PDZD8: variants seen among roughly 807,000 people sequenced by gnomAD.
PDZD8 encodes PDZ domain containing 8, also known as PDZ domain-containing protein 8.
PDZD8 carries 14 observed loss-of-function variants against 85.8 expected under a neutral mutation model. The ratio of observed to expected loss-of-function variants is 0.16; its 90% CI spans 0.11 to 0.26. PDZD8 has a LOEUF of 0.26. Among genes scored for constraint, PDZD8 ranks in the 10% least tolerant of loss-of-function variants. The pLI is 1.00. For missense variants in PDZD8, 1,197 were observed against 1,424.3 expected, an observed-to-expected ratio of 0.84 and a Z score of 2.57; for synonymous variants, 592 against 568.6, an observed-to-expected ratio of 1.04 and a Z score of -0.59.
chr10:117,369,944 C>T (rs887341), intron 1 of PDZD8, among the ~76,000 whole-genome samples: 22,567 of 151,942 alleles, frequency 0.15, 1,961 homozygotes, highest in East Asian at 0.41. Context: ...CACAAGCATC[C>T]GTAAGAATCT....
chr10:117,289,618 TGTAA>T (rs1446236464), intron 4 of PDZD8, among the ~76,000 whole-genome samples: 1 of 152,198 alleles, frequency 6.6e-6, no homozygotes, highest in East Asian at 1.9e-4. Context: ...TAGGAAGGCA[TGTAA>T]GTGACACATT....
At chr10:117,340,946 C>T in intron 2 of PDZD8, 34 bp downstream of exon 2, 1 of 1,611,312 alleles carries the variant, frequency 6.2e-7, no homozygotes, top group Non-Finnish European at 8.5e-7. Context: ...ACTGTTCTTC[C>T]CGTAACTTAG....
Position 117,358,437 on chromosome 10 carries a change from T to C in PDZD8, c.872+15919A>G, listed in dbSNP as rs572952944. Among the ~76,000 whole-genome samples the C allele has an allele frequency of 3.3e-5, 5 of 152,136 alleles. No individual in the cohort carries two copies. The South Asian group carries it at 1.0e-3, about 32-fold the overall frequency. On this transcript the variant is annotated intron_variant, in intron 1 of 4. Coordinates refer to ENST00000334464, the MANE Select transcript of PDZD8 (RefSeq NM_173791.5). ...CCACAATTACTTTTGCACCAACCTA[T>C]AGTCATCTTTCTTTCCCCCTCATCT...
chr10:117,346,039 G>A (rs936810115), intron 1 of PDZD8, among the ~76,000 whole-genome samples: 1 of 151,948 alleles, frequency 6.6e-6, no homozygotes, highest in Admixed American at 6.6e-5. Context: ...TCAGGAGTTC[G>A]AGACCAGCCT....
intron 1 of PDZD8, among the ~76,000 whole-genome samples, chr10:117,371,411 C>T (rs563771965): frequency 9.2e-5 from 14 of 152,286 alleles, no homozygotes; most frequent in Non-Finnish European, 1.5e-4. Context: ...TCTCACACTC[C>T]TGACCTTAAG....
intron 3 of PDZD8, among the ~76,000 whole-genome samples, chr10:117,308,999 T>C (rs543851713): frequency 1.3e-5 from 2 of 152,250 alleles, no homozygotes; most frequent in African/African-American, 2.4e-5. Context: ...AATACTTTCC[T>C]AAAGTGTGTG....
At chr10:117,287,768 G>A (rs1368592650) in intron 4 of PDZD8, among the ~76,000 whole-genome samples, 3 of 152,080 alleles carry the variant, frequency 2.0e-5, no homozygotes, top group East Asian at 3.8e-4. Flanking sequence ...ATATTGCTAC[G>A]AAATTTTCCT....
At chr10:117,336,634 TA>T (rs555617283) in intron 2 of PDZD8, among the ~76,000 whole-genome samples, 67 of 140,730 alleles carry the variant, frequency 4.8e-4, no homozygotes, top group African/African-American at 1.2e-3. Flanking sequence ...TAATGAAGTC[TA>T]AAAAAAAAAG....
intron 1 of PDZD8, among the ~76,000 whole-genome samples, chr10:117,353,707 A>G (rs1844845493): frequency 7.2e-6 from 1 of 138,658 alleles, no homozygotes; most frequent in African/African-American, 2.7e-5. Flanking sequence ...AAGATGAACA[A>G]GAGTGGCCCT....
intron 3 of PDZD8, among the ~76,000 whole-genome samples, chr10:117,307,098 C>G (rs977275433): frequency 2.0e-5 from 3 of 152,040 alleles, no homozygotes; most frequent in Non-Finnish European, 4.4e-5. Flanking sequence ...CTGTTGGCTA[C>G]TTATGCTTTA....
chr10:117,367,199 C>T (rs1352615702), intron 1 of PDZD8, among the ~76,000 whole-genome samples: 2 of 151,820 alleles, frequency 1.3e-5, no homozygotes, highest in Non-Finnish European at 2.9e-5. Context: ...TCACTAGAAT[C>T]CAGGAGTTGG....
intron 1 of PDZD8, among the ~76,000 whole-genome samples, chr10:117,361,260 A>AT (rs1844994535): frequency 6.6e-6 from 1 of 152,126 alleles, no homozygotes; most frequent in African/African-American, 2.4e-5. Flanking sequence ...TTTTTTTTAA[A>AT]TTCTAAGCTG....
chr10:117,319,843 C>T (rs1844199358), intron 2 of PDZD8, among the ~76,000 whole-genome samples: 1 of 152,158 alleles, frequency 6.6e-6, no homozygotes, highest in African/African-American at 2.4e-5. Context: ...AGCTTGAGAA[C>T]AGCTTTAACA....
chr10:117,352,576 C>G (rs911189578), intron 1 of PDZD8, among the ~76,000 whole-genome samples: 3 of 152,100 alleles, frequency 2.0e-5, no homozygotes, highest in African/African-American at 7.2e-5. Context: ...ATTGGAAAAG[C>G]CTTTTATCTC....
chr10:117,359,401 G>C (rs978164085), intron 1 of PDZD8, among the ~76,000 whole-genome samples: 21 of 151,714 alleles, frequency 1.4e-4, no homozygotes, highest in Non-Finnish European at 2.8e-4. Flanking sequence ...GGGTGACAGA[G>C]CGAGACCCTG....
In PDZD8 at chr10:117,375,212, T is replaced by C. The variant is rs762503166; in HGVS notation, c.16A>G (p.Met6Val). Residue 6 changes from methionine to valine, a missense_variant, in exon 1 of 5, where the codon ATG (methionine) becomes GTG (valine). This residue lies in a region of PDZD8 where 172 missense variants were observed against 137.8 expected (regional missense o/e 1.25). Coordinates refer to ENST00000334464, the MANE Select transcript of PDZD8 (RefSeq NM_173791.5). Reference sequence around the variant, plus strand: ...CCCAGCACGGCCGACGCCAGGATCATGAGCAGCAGCCCCATCCCGCCACCG... The same window carrying C: ...CCCAGCACGGCCGACGCCAGGATCACGAGCAGCAGCCCCATCCCGCCACCG... MGLLLMILASAVLGSF... is the reference protein window; with the variant it reads MGLLLVILASAVLGSF... The C allele has an allele frequency of 4.6e-6, 7 of 1,528,828 alleles. No individual in the cohort carries two copies. In the South Asian group the frequency reaches 7.1e-5, roughly 16 times the overall value. The allele number at this position is 1,528,828 out of a possible 1,614,324, so 94.7% of individuals were successfully genotyped here.
chr10:117,304,404 T>C (rs1457421888), intron 3 of PDZD8, among the ~76,000 whole-genome samples: 1 of 152,200 alleles, frequency 6.6e-6, no homozygotes, highest in South Asian at 2.1e-4. Flanking sequence ...TACAGGCTCA[T>C]AGGCGGAAGG....
Position 117,374,716 on chromosome 10 carries a change from G to C in PDZD8, c.512C>G (p.Thr171Ser). Residue 171 changes from threonine to serine, a missense_variant, in exon 1 of 5, where the codon ACC becomes AGC. By Grantham distance (58) the Thr-to-Ser change is moderately conservative (BLOSUM62 1). Transcript: ENST00000334464. The surrounding 1 kb of genome is among the most constrained non-coding windows in gnomAD (Gnocchi z 7.8). Reference protein sequence around the residue: ...RLVRPVVPSATGEPDGPEGEA... With the variant: ...RLVRPVVPSASGEPDGPEGEA... Reference sequence around the variant, plus strand: ...CCCTTCAGGGCCATCGGGCTCCCCGGTGGCCGAGGGCACGACTGGCCGCAC... The same window carrying C: ...CCCTTCAGGGCCATCGGGCTCCCCGCTGGCCGAGGGCACGACTGGCCGCAC... The C allele has an allele frequency of 6.2e-7, 1 of 1,608,422 alleles. No individual in the cohort carries two copies.
chr10:117,283,554 T>C lies in PDZD8; in HGVS notation c.3179A>G (p.Glu1060Gly). The C allele has an allele frequency of 6.2e-7, 1 of 1,614,182 alleles. No individual in the cohort carries two copies. Among genetic ancestry groups the C allele is most frequent in the Non-Finnish European group, 8.5e-7 (1 of 1,180,018 alleles). The change falls in exon 5 of 5, where the codon GAA becomes GGA. Residue 1060 changes from glutamate to glycine, a missense_variant. Coordinates refer to ENST00000334464, the MANE Select transcript of PDZD8 (RefSeq NM_173791.5). Reference sequence around the variant, plus strand: ...CCTTGTATCAGTTGTCTCTTTTTCTTCTCTAACAAGGGAATTATTGTGTTC... The same window carrying C: ...CCTTGTATCAGTTGTCTCTTTTTCTCCTCTAACAAGGGAATTATTGTGTTC... ...ELEHNNSLVR[E>G]EKETTDTRKK...
Sources: gnomAD v4.1 joint callset for allele counts (sites outside exome capture counted in the v4.1 genomes callset) on GRCh38, gnomAD v4.1.1 for gene constraint, gnomAD v4.1.1 regional missense constraint, Gnocchi (gnomAD v3.1) non-coding constraint, MANE v1.5 for transcripts, NCBI Gene and HGNC (gene_info 2026-07-23, HGNC 2026-07-21) for gene names.